CPEB4: variants seen among roughly 807,000 people sequenced by gnomAD.
CPEB4 encodes the protein cytoplasmic polyadenylation element binding protein 4, also known as cytoplasmic polyadenylation element-binding protein 4.
In CPEB4, 12 loss-of-function variants were observed where a neutral mutation model predicts 72.5. The observed-to-expected ratio is 0.17, with a 90% CI of 0.11 to 0.27. The LOEUF is 0.27. CPEB4 is among the 10% of genes least tolerant of loss of function. The probability of loss-of-function intolerance (pLI) is 1.00; values close to 1 mark genes in which losing one functional copy is unlikely to be tolerated. For missense variants in CPEB4, 614 were observed against 908.5 expected (o/e 0.68, Z 4.17); for synonymous variants, 302 against 326.3 (o/e 0.93, Z 0.80).
rs1395858472 is a variant in CPEB4 at position 173,955,412 on chromosome 5, C to T, written c.1963-498C>T. ...ATGTGTACACTATAAATAGAAACCA[C>T]GAGCCAGGCTTTTTACGACAGCTCA... is the stretch of plus-strand genomic sequence containing the variant. On this transcript the variant is annotated intron_variant, in intron 9 of 9. Transcript: ENST00000265085. The surrounding 1 kb of genome is among the most constrained non-coding windows in gnomAD (Gnocchi z 4.7). Among the ~76,000 whole-genome samples the T allele has an allele frequency of 1.3e-5, 2 of 151,742 alleles. No individual in the cohort carries two copies. Among genetic ancestry groups the T allele is most frequent in the Middle Eastern group, 3.4e-3 (1 of 294 alleles).
chr5:173,919,575 A>C (rs359417), intron 2 of CPEB4, among the ~76,000 whole-genome samples: 1 of 152,148 alleles, frequency 6.6e-6, no homozygotes. Context: ...TGGCAGCTAC[A>C]AAAACAGCCC....
At chr5:173,942,253 G>C (rs2113269246) in intron 3 of CPEB4, among the ~76,000 whole-genome samples, 1 of 152,370 alleles carries the variant, frequency 6.6e-6, no homozygotes, top group African/African-American at 2.4e-5. Context: ...AGGCATTCAA[G>C]AAATGTTCGT....
intron 2 of CPEB4, among the ~76,000 whole-genome samples, chr5:173,928,312 T>A (rs886107396): frequency 5.3e-5 from 8 of 152,112 alleles, no homozygotes; most frequent in Admixed American, 5.2e-4. Context: ...AATGTATAGG[T>A]TGGTGCAAAA....
chr5:173,889,552 TCAGAGA>T lies in CPEB4; in HGVS notation c.-180_-175del. 1 of 498,478 alleles carries T rather than the reference TCAGAGA, an allele frequency of 2.0e-6. No homozygotes were observed. Among genetic ancestry groups the T allele is most frequent in the Non-Finnish European group, 3.5e-6 (1 of 281,856 alleles). The allele number at this position is 498,478 out of a possible 1,614,324, so 30.9% of individuals were successfully genotyped here. A position where few individuals can be genotyped will look rare whatever the true frequency, so the allele number is the denominator to read the frequency against. On this transcript the variant is annotated 5_prime_UTR_variant, in exon 1 of 10. Transcript: ENST00000265085. ...ATTTTTTTAAGAGTTGTTTTTTCTT[TCAGAGA>T]CCAGAATTCCAAATCAGAACAATTT...
At chr5:173,951,763 C>A in intron 7 of CPEB4, 61 bp from the exon 8 acceptor site, 4 of 925,464 alleles carry the variant, frequency 4.3e-6, no homozygotes, top group Non-Finnish European at 7.2e-6. Flanking sequence ...TAATTGTTAA[C>A]TTTTTTGCCC....
intron 1 of CPEB4, chr5:173,893,250 A>G (rs1313048950): frequency 6.6e-6 from 1 of 152,236 alleles, no homozygotes; most frequent in Non-Finnish European, 1.5e-5. Flanking sequence ...TTAAAAACCA[A>G]TAATTCTTGT....
intron 2 of CPEB4, among the ~76,000 whole-genome samples, chr5:173,917,292 G>C (rs953520882): frequency 6.6e-6 from 1 of 152,156 alleles, no homozygotes; most frequent in African/African-American, 2.4e-5. Context: ...ATTTCTTACA[G>C]TATTTAACCT....
intron 3 of CPEB4, among the ~76,000 whole-genome samples, chr5:173,936,279 G>C (rs1757618730): frequency 6.6e-6 from 1 of 152,138 alleles, no homozygotes; most frequent in Non-Finnish European, 1.5e-5. Flanking sequence ...TTATTTTGAG[G>C]CATCTCTCTA....
intron 1 of CPEB4, 41 bp downstream of exon 1, chr5:173,890,899 A>G (rs773516148): frequency 3.9e-6 from 6 of 1,550,482 alleles, no homozygotes; most frequent in African/African-American, 2.7e-5. Context: ...TGAATAAGGA[A>G]ATAGCATGGT....
chr5:173,925,731 A>G (rs1215857651), intron 2 of CPEB4, among the ~76,000 whole-genome samples: 1 of 152,184 alleles, frequency 6.6e-6, no homozygotes, highest in Admixed American at 6.5e-5. Flanking sequence ...GGGTAGGAGG[A>G]CTACCTCCTT....
intron 3 of CPEB4, among the ~76,000 whole-genome samples, chr5:173,934,795 A>G (rs1757564754): frequency 6.6e-6 from 1 of 152,202 alleles, no homozygotes; most frequent in Non-Finnish European, 1.5e-5. Flanking sequence ...AAAACTAGGT[A>G]GGGAGGAGAG....
At chr5:173,930,938 C>G (rs1342183905) in intron 2 of CPEB4, among the ~76,000 whole-genome samples, 1 of 150,584 alleles carries the variant, frequency 6.6e-6, no homozygotes, top group Non-Finnish European at 1.5e-5. Flanking sequence ...TTGCAGTGAC[C>G]CGAGATTGCG....
At chr5:173,926,606 C>A (rs1487247918) in intron 2 of CPEB4, among the ~76,000 whole-genome samples, 1 of 152,172 alleles carries the variant, frequency 6.6e-6, no homozygotes, top group Non-Finnish European at 1.5e-5. Context: ...ATGATGTATG[C>A]CAGGCTTCTG....
chr5:173,910,821 G>A, intron 2 of CPEB4: 1 of 475,232 alleles, frequency 2.1e-6, no homozygotes, highest in South Asian at 3.5e-5. Context: ...AGTACTACGT[G>A]AGTACTAATT....
intron 1 of CPEB4, among the ~76,000 whole-genome samples, chr5:173,896,437 A>G (rs754926220): frequency 1.3e-5 from 2 of 152,226 alleles, no homozygotes; most frequent in Non-Finnish European, 2.9e-5. Flanking sequence ...TTGAAACAGA[A>G]TGAGTTCCAC....
intron 3 of CPEB4, among the ~76,000 whole-genome samples, chr5:173,936,570 A>G (rs1757629138): frequency 6.6e-6 from 1 of 152,194 alleles, no homozygotes; most frequent in South Asian, 2.1e-4. Flanking sequence ...AATTTCATGT[A>G]GTAGGGATAT....
intron 1 of CPEB4, among the ~76,000 whole-genome samples, chr5:173,904,697 A>C (rs982137430): frequency 3.3e-4 from 41 of 123,900 alleles, no homozygotes; most frequent in African/African-American, 1.2e-3. Flanking sequence ...AGGATCACTT[A>C]CTTGGTTTAT....
intron 2 of CPEB4, among the ~76,000 whole-genome samples, chr5:173,914,942 C>T (rs1176450413): frequency 6.6e-6 from 1 of 152,036 alleles, no homozygotes; most frequent in Non-Finnish European, 1.5e-5. Flanking sequence ...TCTTTCATTT[C>T]TGGTTCCTCA....
chr5:173,954,407 C>T (rs1437333929), intron 9 of CPEB4, among the ~76,000 whole-genome samples: 2 of 152,172 alleles, frequency 1.3e-5, no homozygotes, highest in East Asian at 3.9e-4. Context: ...GAGTCTCTCT[C>T]CGTCACCCAG....
Sources: allele counts gnomAD v4.1 joint callset (sites outside exome capture counted in the v4.1 genomes callset), GRCh38; gene constraint gnomAD v4.1.1; non-coding constraint Gnocchi (gnomAD v3.1); transcripts MANE v1.5; gene names NCBI Gene and HGNC (gene_info 2026-07-23, HGNC 2026-07-21).